Variants in PAICS observed in about 807,000 individuals in gnomAD.
PAICS encodes phosphoribosylaminoimidazole carboxylase and phosphoribosylaminoimidazolesuccinocarboxamide synthase, also known as bifunctional phosphoribosylaminoimidazole carboxylase/phosphoribosylaminoimidazole succinocarboxamide synthetase.
Under a neutral mutation model 53.7 loss-of-function variants are expected in PAICS, and 33 were observed. That is an observed-to-expected ratio of 0.61 (90% CI 0.47 to 0.82). PAICS has a LOEUF of 0.82. Among genes scored for constraint, PAICS ranks in the 40% least tolerant of loss-of-function variants. The probability of loss-of-function intolerance (pLI) is 0.00; values close to 1 mark genes in which losing one functional copy is unlikely to be tolerated. For missense variants in PAICS, 394 were observed against 494.1 expected, an observed-to-expected ratio of 0.80 and a Z score of 1.92; for synonymous variants, 141 against 167.2, an observed-to-expected ratio of 0.84 and a Z score of 1.21.
chr4:56,440,308 T>G (rs566881422), intron 1 of PAICS, among the ~76,000 whole-genome samples: 1 of 152,326 alleles, frequency 6.6e-6, no homozygotes, highest in South Asian at 2.1e-4. Context: ...TAAACCATGT[T>G]AATGAGTCTA....
upstream of PAICS, chr4:56,435,236 G>C (rs978764227): frequency 6.1e-6 from 9 of 1,480,226 alleles, no homozygotes; most frequent in Non-Finnish European, 8.3e-6. Flanking sequence ...TACTGGCTTA[G>C]GTCGGAGAGG....
chr4:56,418,265 T>C, the PAICS span, among the ~76,000 whole-genome samples: 3 of 152,206 alleles, frequency 2.0e-5, no homozygotes, highest in Non-Finnish European at 4.4e-5. Context: ...GTCTCTCCAC[T>C]ACACTCTAGC....
chr4:56,450,691 G>T lies in PAICS; in HGVS notation c.760G>T (p.Glu254Ter), dbSNP rs1229572391. ...MVKKNFEWVA[E>*]RVELLLKSES... is the part of the protein sequence containing the mutation. ...AAAGAAAAACTTTGAGTGGGTTGCAGAGAGAGTAGAGGTAAACCTTCTATA... is the reference window on the plus strand; with the variant it reads ...AAAGAAAAACTTTGAGTGGGTTGCATAGAGAGTAGAGGTAAACCTTCTATA... The change falls in exon 6 of 9, where the codon GAG (glutamate) becomes TAG (stop). Residue 254 changes from glutamate (E) to a stop codon, truncating the protein, a stop_gained. Transcript: ENST00000512576. LOFTEE classifies it high-confidence loss of function. 2.0e-6 allele frequency: 3 copies of T among 1,485,224 alleles called. No individual in the cohort carries two copies. The highest frequency in any genetic ancestry group is 2.8e-6 in the Non-Finnish European group (3 of 1,083,556). The allele number at this position is 1,485,224 out of a possible 1,614,324, so 92.0% of individuals were successfully genotyped here.
At chr4:56,452,340 G>A (rs923274000) in intron 7 of PAICS, among the ~76,000 whole-genome samples, 1 of 151,994 alleles carries the variant, frequency 6.6e-6, no homozygotes, top group African/African-American at 2.4e-5. Context: ...CACCATGCCC[G>A]GCTAATTTTT....
intron 2 of PAICS, among the ~76,000 whole-genome samples, chr4:56,442,426 A>C (rs1718387453): frequency 6.6e-6 from 1 of 152,206 alleles, no homozygotes; most frequent in Non-Finnish European, 1.5e-5. Context: ...ATAGAGAAAT[A>C]GATTCAAAAG....
chr4:56,415,955 A>C, the PAICS span, among the ~76,000 whole-genome samples: 1 of 152,062 alleles, frequency 6.6e-6, no homozygotes, highest in African/African-American at 2.4e-5. Context: ...CTGTAATCCC[A>C]GCTACTCATA....
the PAICS span, among the ~76,000 whole-genome samples, chr4:56,430,275 T>C: frequency 2.0e-5 from 3 of 152,200 alleles, no homozygotes; most frequent in Non-Finnish European, 4.4e-5. Context: ...TCATAGGGCA[T>C]GCATATATCC....
intron 1 of PAICS, among the ~76,000 whole-genome samples, chr4:56,437,254 ATGG>A (rs1718051323): frequency 1.7e-5 from 1 of 59,546 alleles, no homozygotes; most frequent in South Asian, 5.6e-4. Context: ...TGATGCCATG[ATGG>A]TGTGTGTGTG....
intron 3 of PAICS, 48 bp from the exon 4 acceptor site, chr4:56,448,370 T>C (rs1290394745): frequency 1.5e-6 from 2 of 1,344,670 alleles, no homozygotes; most frequent in Admixed American, 2.5e-5. Context: ...CTGAAAAGTT[T>C]AAAAATTTTA....
chr4:56,428,114 T>C, the PAICS span, among the ~76,000 whole-genome samples: 1 of 152,222 alleles, frequency 6.6e-6, no homozygotes, highest in African/African-American at 2.4e-5. Context: ...GGACACAAAA[T>C]TTCTTTTGAC....
chr4:56,431,659 T>C (rs751227322), upstream of PAICS: 16 of 261,322 alleles, frequency 6.1e-5, no homozygotes, highest in Non-Finnish European at 1.2e-5. Context: ...TATCTCCTAA[T>C]CAAGGAAAGG....
At chr4:56,441,084 C>T (rs1718313284) in intron 1 of PAICS, among the ~76,000 whole-genome samples, 1 of 152,168 alleles carries the variant, frequency 6.6e-6, no homozygotes, top group Non-Finnish European at 1.5e-5. Flanking sequence ...TCCAAATGTG[C>T]TAACTTCAAT....
chr4:56,413,131 T>C, the PAICS span, among the ~76,000 whole-genome samples: 2,013 of 142,540 alleles, frequency 0.014, 33 homozygotes, highest in African/African-American at 0.047. Flanking sequence ...TTTGTTGTTG[T>C]TGTTTTTGTC....
chr4:56,427,942 T>C, the PAICS span, among the ~76,000 whole-genome samples: 3 of 152,170 alleles, frequency 2.0e-5, no homozygotes, highest in Non-Finnish European at 2.9e-5. Context: ...AGAAGGAAAA[T>C]GTCTATGCCC....
chr4:56,450,776 A>T, intron 6 of PAICS, 74 bp downstream of exon 6: 1 of 772,992 alleles, frequency 1.3e-6, no homozygotes, highest in Non-Finnish European at 2.2e-6. Context: ...AAAGAAAAAA[A>T]AATGGGAGAG....
the PAICS span, among the ~76,000 whole-genome samples, chr4:56,413,712 A>G: frequency 1.3e-4 from 19 of 151,630 alleles, no homozygotes; most frequent in African/African-American, 4.3e-4. Context: ...CCTGACCAAC[A>G]TGGTGAAACC....
upstream of PAICS, among the ~76,000 whole-genome samples, chr4:56,432,006 A>AGT (rs1560651926): frequency 6.6e-6 from 1 of 152,198 alleles, no homozygotes; most frequent in Non-Finnish European, 1.5e-5. Flanking sequence ...AACTACTAAA[A>AGT]ACGGGGAGTA....
upstream of PAICS, among the ~76,000 whole-genome samples, chr4:56,434,760 C>T (rs1042946621): frequency 1.3e-5 from 2 of 152,192 alleles, no homozygotes; most frequent in African/African-American, 2.4e-5. Flanking sequence ...AGATCTACTA[C>T]CAGTAGTCAT....
chr4:56,439,553 T>A (rs1004314225), intron 1 of PAICS, among the ~76,000 whole-genome samples: 14 of 152,224 alleles, frequency 9.2e-5, no homozygotes, highest in African/African-American at 3.4e-4. Flanking sequence ...TCTTTACCCT[T>A]CCCTCTCTTT....
Sources: allele counts gnomAD v4.1 joint callset (sites outside exome capture counted in the v4.1 genomes callset), GRCh38; gene constraint gnomAD v4.1.1; transcripts MANE v1.5; gene names NCBI Gene and HGNC (gene_info 2026-07-23, HGNC 2026-07-21).